The following WDR45B variants were observed in gnomAD, a reference collection of about 807,000 sequenced individuals.
WDR45B encodes the protein WD repeat domain 45B, also known as WD repeat domain phosphoinositide-interacting protein 3.
Under a neutral mutation model 44.6 loss-of-function variants are expected in WDR45B, and 20 were observed. The ratio of observed to expected loss-of-function variants is 0.45; its 90% CI spans 0.32 to 0.65. The LOEUF is 0.65. WDR45B is among the 30% of genes least tolerant of loss of function. The probability of loss-of-function intolerance (pLI) is 0.05; values close to 1 mark genes in which losing one functional copy is unlikely to be tolerated. For synonymous variants in WDR45B, 169 were observed against 164.9 expected (o/e 1.02, Z -0.19); for missense variants, 323 against 430.2 (o/e 0.75, Z 2.20).
intron 2 of WDR45B, 129 bp from the exon 3 acceptor site, chr17:82,631,151 T>C: frequency 1.2e-6 from 1 of 864,954 alleles, no homozygotes; most frequent in Non-Finnish European, 1.8e-6. Context: ...AAGATCTCAC[T>C]GTGTTGCCCA....
intron 4 of WDR45B, chr17:82,626,747 T>C (rs761423373): frequency 4.2e-5 from 10 of 235,376 alleles, no homozygotes; most frequent in Non-Finnish European, 3.4e-5. Flanking sequence ...TAAACGCCCC[T>C]GAGACCATGG....
intron 2 of WDR45B, among the ~76,000 whole-genome samples, chr17:82,640,773 C>T (rs1055823005): frequency 2.0e-5 from 3 of 152,166 alleles, no homozygotes; most frequent in African/African-American, 7.2e-5. Flanking sequence ...GGCCTATCTA[C>T]TCACATAAGC....
At chr17:82,628,437 C>CT (rs1377653286) in intron 3 of WDR45B, among the ~76,000 whole-genome samples, 1 of 149,468 alleles carries the variant, frequency 6.7e-6, no homozygotes, top group African/African-American at 2.5e-5. Context: ...CAGCACCGTG[C>CT]TTTTGAAGAA....
chr17:82,629,702 T>C, intron 3 of WDR45B: 1 of 985,344 alleles, frequency 1.0e-6, no homozygotes, highest in Non-Finnish European at 1.2e-6. Context: ...TTCCGCACAT[T>C]CACGTTCACG....
intron 5 of WDR45B, among the ~76,000 whole-genome samples, chr17:82,622,543 C>T (rs992057004): frequency 6.6e-5 from 10 of 152,150 alleles, no homozygotes; most frequent in African/African-American, 2.4e-4. Context: ...CGCCGTTCTC[C>T]TGCCTCAGCC....
chr17:82,636,188 C>A (rs1332026771), intron 2 of WDR45B, among the ~76,000 whole-genome samples: 1 of 142,526 alleles, frequency 7.0e-6, no homozygotes, highest in African/African-American at 2.7e-5. Flanking sequence ...TTGAACCCGG[C>A]AGGTGGAGGT....
chr17:82,623,085 T>C (rs1018502434), intron 5 of WDR45B, among the ~76,000 whole-genome samples: 3 of 152,154 alleles, frequency 2.0e-5, no homozygotes, highest in Non-Finnish European at 4.4e-5. Context: ...AAAGGCTAAA[T>C]CTACAACATA....
chr17:82,625,568 T>A, intron 4 of WDR45B, 85 bp from the exon 5 acceptor site: 2 of 1,233,622 alleles, frequency 1.6e-6, no homozygotes, highest in Non-Finnish European at 2.4e-6. Flanking sequence ...ATACTGAAAC[T>A]GAGAAACACT....
chr17:82,632,365 C>T (rs1377701954), intron 2 of WDR45B, among the ~76,000 whole-genome samples: 1 of 152,046 alleles, frequency 6.6e-6, no homozygotes. Flanking sequence ...CGAGGTCATA[C>T]TGTATTGCCC....
At chr17:82,621,840 A>C in intron 5 of WDR45B, 41 bp from the exon 6 acceptor site, 4 of 1,608,830 alleles carry the variant, frequency 2.5e-6, no homozygotes, top group Non-Finnish European at 3.4e-6. Flanking sequence ...ACTGCCTTTG[A>C]TTTCTCACAG....
intron 1 of WDR45B, among the ~76,000 whole-genome samples, chr17:82,646,419 G>A (rs1387873606): frequency 2.7e-5 from 4 of 145,798 alleles, no homozygotes; most frequent in African/African-American, 7.5e-5. Flanking sequence ...CCTGAGAGGC[G>A]GAGTTTGCAG....
chr17:82,627,461 A>T (rs1267553404), intron 3 of WDR45B, among the ~76,000 whole-genome samples, 170 bp from the exon 4 acceptor site: 2 of 152,200 alleles, frequency 1.3e-5, no homozygotes, highest in African/African-American at 4.8e-5. Flanking sequence ...GGTGTAACTC[A>T]AACCGTGAGC....
chr17:82,635,980 G>C (rs954263965), intron 2 of WDR45B, among the ~76,000 whole-genome samples: 1 of 151,928 alleles, frequency 6.6e-6, no homozygotes, highest in South Asian at 2.1e-4. Flanking sequence ...CCAGCTACTC[G>C]AGAAGTTGGG....
intron 2 of WDR45B, among the ~76,000 whole-genome samples, chr17:82,633,034 G>A (rs1247329146): frequency 6.6e-6 from 1 of 151,990 alleles, no homozygotes; most frequent in Admixed American, 6.6e-5. Flanking sequence ...GTGGTGGCAG[G>A]CGCCTGTAAT....
intron 9 of WDR45B, among the ~76,000 whole-genome samples, 200 bp from the exon 10 acceptor site, chr17:82,616,225 A>C (rs372069082): frequency 6.6e-6 from 1 of 152,144 alleles, no homozygotes. Flanking sequence ...GTGAGCATCT[A>C]ATCACCCGGT....
Position 82,617,613 on chromosome 17 carries a change from GCA to G in WDR45B, c.705-218_705-217del, listed in dbSNP as rs2045555363. ...CACAGCCACAATCCAGTGTATCACGGCAAGTTTTCCTTGGGTGCCCCACAAAT... is the reference window on the plus strand; with the variant it reads ...CACAGCCACAATCCAGTGTATCACGGAGTTTTCCTTGGGTGCCCCACAAAT... On this transcript the variant is annotated intron_variant, in intron 7 of 9. Coordinates refer to ENST00000392325, the MANE Select transcript of WDR45B (RefSeq NM_019613.4). 3.8e-5 allele frequency: 22 copies of G among 585,132 alleles called. No individual in the cohort carries two copies. In the South Asian group the frequency reaches 4.0e-4, roughly 11 times the overall value. 36.2% of individuals were successfully genotyped at this position (585,132 alleles called of 1,614,324 possible).
chr17:82,641,839 A>G (rs754557561), intron 2 of WDR45B, among the ~76,000 whole-genome samples: 1 of 151,530 alleles, frequency 6.6e-6, no homozygotes, highest in Non-Finnish European at 1.5e-5. Flanking sequence ...CGGAGCTTGC[A>G]GTGAGCCGAG....
At chr17:82,621,502 G>C in intron 6 of WDR45B, 107 bp downstream of exon 6, 1 of 1,470,098 alleles carries the variant, frequency 6.8e-7, no homozygotes, top group Non-Finnish European at 9.4e-7. Flanking sequence ...GGGGCTCCAG[G>C]TTGGGGCAGG....
At chr17:82,643,869 C>G (rs2045945994) in intron 2 of WDR45B, 80 bp downstream of exon 2, 1 of 1,396,394 alleles carries the variant, frequency 7.2e-7, no homozygotes, top group African/African-American at 1.7e-5. Flanking sequence ...CATCCCTTCC[C>G]TGCTCCACCT....
Sources: gnomAD v4.1 joint callset for allele counts (sites outside exome capture counted in the v4.1 genomes callset) on GRCh38, gnomAD v4.1.1 for gene constraint, MANE v1.5 for transcripts, NCBI Gene and HGNC (gene_info 2026-07-23, HGNC 2026-07-21) for gene names.